Variants in GRM5 observed in about 807,000 individuals in gnomAD.
GRM5 encodes the protein metabotropic glutamate receptor 5.
In GRM5, 19 loss-of-function variants were observed where a neutral mutation model predicts 83.1. The observed-to-expected ratio is 0.23, with a 90% CI of 0.16 to 0.34. GRM5 has a LOEUF of 0.34. Among genes scored for constraint, GRM5 ranks in the 10% least tolerant of loss-of-function variants. The probability of loss-of-function intolerance (pLI) is 1.00; values close to 1 mark genes in which losing one functional copy is unlikely to be tolerated. For synonymous variants in GRM5, 675 were observed against 633.6 expected (o/e 1.07, Z -0.98); for missense variants, 1,160 against 1,588.3 (o/e 0.73, Z 4.58).
At position 89,047,874 on chromosome 11, in the gene GRM5, T is replaced by G. The variant is rs1473551251; in HGVS notation, c.-2A>C. 4.3e-6 allele frequency: 7 copies of G among 1,612,352 alleles called. No individual in the cohort carries two copies. The Admixed American group carries it at 1.2e-4, about 27-fold the overall frequency. ...TGACAGGATCAACAGAAGGACCATT[T>G]TAGGAAAGGAGTTCAAGCCAATAAA... On this transcript the variant is annotated 5_prime_UTR_variant, in exon 2 of 10. Transcript: ENST00000305447. This position sits in a 1 kb window ranked among gnomAD's most constrained non-coding sequence, Gnocchi z 5.1.
Position 88,857,728 on chromosome 11 carries a change from T to G in GRM5, c.662-7573A>C, listed in dbSNP as rs549497046. On this transcript the variant is annotated intron_variant, in intron 2 of 9. Coordinates refer to ENST00000305447, the MANE Select transcript of GRM5 (RefSeq NM_001143831.3). ...TAGACAGTGTCCTTTAATGCAGATA[T>G]TTCTTTCACAACAAAACATTGTATA... 2.8e-4 allele frequency among the ~76,000 whole-genome samples: 42 copies of G among 152,252 alleles called. No homozygotes were observed. The South Asian group carries it at 8.5e-3, about 31-fold the overall frequency.
At chr11:88,815,053 T>C (rs1415120950) in intron 3 of GRM5, among the ~76,000 whole-genome samples, 1 of 152,184 alleles carries the variant, frequency 6.6e-6, no homozygotes, top group Non-Finnish European at 1.5e-5. Flanking sequence ...TATAGTAGAC[T>C]TGAACAACCC....
chr11:88,967,229 A>C (rs969662879), intron 2 of GRM5, among the ~76,000 whole-genome samples: 28 of 137,934 alleles, frequency 2.0e-4, no homozygotes, highest in South Asian at 4.5e-4. Context: ...ATGTGTGTGT[A>C]TGTATATATA....
At chr11:88,981,466 T>C (rs369166114) in intron 2 of GRM5, among the ~76,000 whole-genome samples, 3 of 152,170 alleles carry the variant, frequency 2.0e-5, no homozygotes, top group Admixed American at 1.3e-4. Context: ...CTTAATCTAG[T>C]TAATTGTGAT....
At chr11:88,645,130 C>T (rs761516794) in intron 4 of GRM5, among the ~76,000 whole-genome samples, 9 of 152,218 alleles carry the variant, frequency 5.9e-5, no homozygotes, top group Non-Finnish European at 1.2e-4. Context: ...TTTTACATTG[C>T]TCTGAACCCG....
At position 88,578,565 on chromosome 11, in the gene GRM5, T is replaced by C. The variant is rs1463925165; in HGVS notation, c.1691-10573A>G. ...GGTTTCTGGCAAGATGAAAACTGGT[T>C]TATGTTCTTTTCAGGGACCTGTTTT... On this transcript the variant is annotated intron_variant, in intron 7 of 9. Transcript: ENST00000305447. Among the ~76,000 whole-genome samples, 3 of 152,184 alleles carry C rather than the reference T, an allele frequency of 2.0e-5. No homozygotes were observed. The East Asian group carries it at 5.8e-4, about 29-fold the overall frequency.
At chr11:88,917,447 A>G (rs1945614389) in intron 2 of GRM5, among the ~76,000 whole-genome samples, 1 of 152,178 alleles carries the variant, frequency 6.6e-6, no homozygotes, top group Non-Finnish European at 1.5e-5. Context: ...CAAACATCCA[A>G]AAGTATTAAG....
At chr11:88,815,748 T>C (rs1291349977) in intron 3 of GRM5, among the ~76,000 whole-genome samples, 2 of 152,220 alleles carry the variant, frequency 1.3e-5, no homozygotes, top group African/African-American at 2.4e-5. Context: ...CACTCATCTC[T>C]GACAGTGGGC....
chr11:88,580,706 T>C (rs778212391), intron 7 of GRM5, among the ~76,000 whole-genome samples: 1 of 152,216 alleles, frequency 6.6e-6, no homozygotes, highest in East Asian at 1.9e-4. Flanking sequence ...GCTATGAAGC[T>C]AATCTAAACG....
chr11:88,844,525 T>C lies in GRM5; in HGVS notation c.911+5381A>G, dbSNP rs368378894. ...ATGCCTGCTAACACAATATCCATTC[T>C]TCAGCCTATGAATCAACAAGTAATT... On this transcript the variant is annotated intron_variant, in intron 3 of 9. Coordinates refer to ENST00000305447, the MANE Select transcript of GRM5 (RefSeq NM_001143831.3). Among the ~76,000 whole-genome samples, 128 of 100,276 alleles carry C rather than the reference T, an allele frequency of 1.3e-3. 1 individual carries two copies. Among genetic ancestry groups the C allele is most frequent in the African/African-American group, 3.5e-3 (116 of 33,582 alleles). The allele number at this position is 100,276 out of a possible 152,430, so 65.8% of individuals were successfully genotyped here. A position where few individuals can be genotyped will look rare whatever the true frequency, so the allele number is the denominator to read the frequency against.
At chr11:88,676,221 T>G (rs1940324251) in intron 3 of GRM5, among the ~76,000 whole-genome samples, 1 of 152,030 alleles carries the variant, frequency 6.6e-6, no homozygotes, top group Non-Finnish European at 1.5e-5. Flanking sequence ...TAACCATGAT[T>G]GATTGGAGCC....
intron 2 of GRM5, among the ~76,000 whole-genome samples, chr11:88,876,560 T>C (rs1241417548): frequency 1.3e-5 from 2 of 152,146 alleles, no homozygotes; most frequent in South Asian, 2.1e-4. Flanking sequence ...GGTTAGTGTA[T>C]CGGGGCTTTT....
At chr11:88,854,643 G>A (rs2850434) in intron 2 of GRM5, among the ~76,000 whole-genome samples, 1 of 151,930 alleles carries the variant, frequency 6.6e-6, no homozygotes, top group Non-Finnish European at 1.5e-5. Flanking sequence ...GAAGAGGTCA[G>A]GAAGGGAGTA....
At chr11:88,829,118 G>T (rs1420562437) in intron 3 of GRM5, among the ~76,000 whole-genome samples, 3 of 152,010 alleles carry the variant, frequency 2.0e-5, no homozygotes, top group African/African-American at 7.2e-5. Flanking sequence ...AAAATAATTA[G>T]AGTGGCATGA....
intron 3 of GRM5, among the ~76,000 whole-genome samples, chr11:88,672,168 A>G (rs1416868134): frequency 6.6e-6 from 1 of 151,860 alleles, no homozygotes; most frequent in Non-Finnish European, 1.5e-5. Flanking sequence ...AAAACCGATT[A>G]TAGCTAACAT....
At chr11:88,780,543 G>A (rs1942954087) in intron 3 of GRM5, among the ~76,000 whole-genome samples, 1 of 152,220 alleles carries the variant, frequency 6.6e-6, no homozygotes, top group South Asian at 2.1e-4. Flanking sequence ...GAACACTTCA[G>A]AGCTTTACAG....
chr11:88,580,963 G>T (rs1943204006), intron 7 of GRM5, among the ~76,000 whole-genome samples: 1 of 152,026 alleles, frequency 6.6e-6, no homozygotes, highest in Non-Finnish European at 1.5e-5. Context: ...CAAAAAATTA[G>T]CTGGCATGGT....
Position 89,034,540 on chromosome 11 carries a change from A to G in GRM5, c.661+12672T>C, listed in dbSNP as rs1252196044. ...GCTTTGTATATATCTGAGAAAACTCATGTGCTAGCAAGTGCTTCCAGTTCA... is the reference window on the plus strand; with the variant it reads ...GCTTTGTATATATCTGAGAAAACTCGTGTGCTAGCAAGTGCTTCCAGTTCA... On this transcript the variant is annotated intron_variant, in intron 2 of 9. Coordinates refer to ENST00000305447, the MANE Select transcript of GRM5 (RefSeq NM_001143831.3). Among the ~76,000 whole-genome samples the G allele has an allele frequency of 4.6e-5, 7 of 151,980 alleles. 1 individual carries two copies. The highest frequency in any genetic ancestry group is 1.7e-4 in the African/African-American group (7 of 41,554).
intron 3 of GRM5, among the ~76,000 whole-genome samples, chr11:88,758,575 G>GA (rs1440148749): frequency 6.6e-6 from 1 of 152,056 alleles, no homozygotes; most frequent in Non-Finnish European, 1.5e-5. Flanking sequence ...CAAAACTTCA[G>GA]AAAAATATGA....
Sources: allele counts gnomAD v4.1 joint callset (sites outside exome capture counted in the v4.1 genomes callset), GRCh38; gene constraint gnomAD v4.1.1; non-coding constraint Gnocchi (gnomAD v3.1); transcripts MANE v1.5; gene names NCBI Gene and HGNC (gene_info 2026-07-23, HGNC 2026-07-21).